ENOSF1: variants seen among roughly 807,000 people sequenced by gnomAD.
ENOSF1 encodes enolase superfamily member 1, also known as mitochondrial enolase superfamily member 1.
A neutral mutation model predicts 68.2 loss-of-function variants in ENOSF1; 73 were observed. The ratio of observed to expected loss-of-function variants is 1.07; its 90% CI spans 0.89 to 1.30. The LOEUF is 1.30. Ranked by LOEUF, ENOSF1 falls within the 50% of genes most tolerant of loss-of-function variation. The pLI, the probability that ENOSF1 is intolerant of heterozygous loss-of-function variation, is 0.00. For synonymous variants in ENOSF1, 223 were observed against 210.4 expected (o/e 1.06, Z -0.52); for missense variants, 589 against 554.5 (o/e 1.06, Z -0.62).
chr18:680,086 G>A (rs899570337), intron 11 of ENOSF1, among the ~76,000 whole-genome samples: 1 of 152,234 alleles, frequency 6.6e-6, no homozygotes, highest in African/African-American at 2.4e-5. Flanking sequence ...TGATTCCAGA[G>A]CCAGAGGAGG....
chr18:685,030 T>TC lies in ENOSF1; in HGVS notation c.741+890_741+891insG, dbSNP rs1303026037. Among the ~76,000 whole-genome samples the TC allele has an allele frequency of 4.0e-5, 6 of 150,824 alleles. No individual in the cohort carries two copies. The East Asian group carries it at 1.2e-3, about 30-fold the overall frequency. On this transcript the variant is annotated intron_variant, in intron 10 of 15. Coordinates refer to ENST00000647584, the MANE Select transcript of ENOSF1 (RefSeq NM_017512.7). The stretch of plus-strand genomic sequence containing the variant: ...ATGCACCACCACACCTGGTTAATTT[T>TC]TTTTCTTCTTTCTTTTAGAGAGAGA...
chr18:701,778 G>A (rs1397432488), intron 2 of ENOSF1, among the ~76,000 whole-genome samples: 2 of 148,400 alleles, frequency 1.3e-5, no homozygotes, highest in Non-Finnish European at 3.0e-5. Flanking sequence ...AAAATTAGCT[G>A]GCGTGATAGT....
In ENOSF1 at chr18:673,317, TTGG is replaced by T; in HGVS notation, c.*985_*987del. 4.1e-6 allele frequency: 1 copy of T among 242,124 alleles called. No homozygotes were observed. Among genetic ancestry groups the T allele is most frequent in the Non-Finnish European group, 8.0e-6 (1 of 124,804 alleles). 15.0% of individuals were successfully genotyped at this position (242,124 alleles called of 1,614,324 possible). On this transcript the variant is annotated 3_prime_UTR_variant, in exon 16 of 16. Coordinates refer to ENST00000647584, the MANE Select transcript of ENOSF1 (RefSeq NM_017512.7). ...CAATCCCACGTACTTATAAAGAAGG[TTGG>T]TGAATTTCACAAGCTATTTTTGGAA...
At chr18:677,893 A>G in intron 12 of ENOSF1, 21 bp from the exon 13 acceptor site, 3 of 1,609,242 alleles carry the variant, frequency 1.9e-6, no homozygotes, top group East Asian at 2.2e-5. Flanking sequence ...AATTGAAAAT[A>G]ACACCAACAG....
downstream of ENOSF1, among the ~76,000 whole-genome samples, chr18:668,419 GAAGGA>G (rs934107432): frequency 6.6e-6 from 1 of 152,180 alleles, no homozygotes; most frequent in African/African-American, 2.4e-5. Context: ...ATCTCAGAAG[GAAGGA>G]AAGGGATTAA....
chr18:685,236 C>T (rs1315276742), intron 10 of ENOSF1, among the ~76,000 whole-genome samples: 1 of 151,826 alleles, frequency 6.6e-6, no homozygotes, highest in Non-Finnish European at 1.5e-5. Flanking sequence ...TACTCCTGAG[C>T]TCCGGCAATC....
At chr18:693,784 G>C in intron 5 of ENOSF1, 98 bp downstream of exon 5, 1 of 1,575,434 alleles carries the variant, frequency 6.3e-7, no homozygotes, top group Non-Finnish European at 8.6e-7. Context: ...GTGATCAACA[G>C]ATAGTCCTGA....
At chr18:667,991 A>AT (rs1491559672), downstream of ENOSF1, among the ~76,000 whole-genome samples, 8 of 74,910 alleles carry the variant, frequency 1.1e-4, no homozygotes, top group East Asian at 6.5e-3. Flanking sequence ...GATTCACAGG[A>AT]ATTTTTTTTT....
chr18:692,612 A>G (rs2145079897), intron 5 of ENOSF1: 3 of 749,544 alleles, frequency 4.0e-6, no homozygotes, highest in African/African-American at 2.0e-5. Context: ...AAAAAAAAAG[A>G]AAGAAAGAAA....
At chr18:681,600 GCT>G (rs1436593772) in intron 11 of ENOSF1, among the ~76,000 whole-genome samples, 2 of 152,152 alleles carry the variant, frequency 1.3e-5, no homozygotes, top group African/African-American at 4.8e-5. Flanking sequence ...GAAAATTTGG[GCT>G]CTGTTTAAAT....
At chr18:690,912 C>T in intron 7 of ENOSF1, 156 bp downstream of exon 7, 2 of 1,179,560 alleles carry the variant, frequency 1.7e-6, no homozygotes, top group South Asian at 3.1e-5. Context: ...AGGTCATACC[C>T]AGCAGGCTTC....
At chr18:669,209 C>T (rs1461460351), downstream of ENOSF1, 2 of 1,578,332 alleles carry the variant, frequency 1.3e-6, no homozygotes, top group African/African-American at 1.4e-5. Flanking sequence ...TTATACTAAC[C>T]ATACTCTTAG....
At chr18:675,922 A>G (rs1420969021) in intron 14 of ENOSF1, among the ~76,000 whole-genome samples, 2 of 152,100 alleles carry the variant, frequency 1.3e-5, no homozygotes, top group Non-Finnish European at 2.9e-5. Context: ...TTGTACCTGG[A>G]AAACAATCCG....
rs180700301 is a variant in ENOSF1 at position 696,082 on chromosome 18, T to C, written c.309+1158A>G. 8.5e-5 allele frequency among the ~76,000 whole-genome samples: 13 copies of C among 152,310 alleles called. No homozygotes were observed. In the East Asian group the frequency reaches 2.1e-3, roughly 25 times the overall value. The stretch of plus-strand genomic sequence containing the variant: ...GAATCCTTTCTCCAGAGCCTAACTT[T>C]TTCATGCCTTGAATTTATAGTTCAA... On this transcript the variant is annotated intron_variant, in intron 3 of 15. Coordinates refer to ENST00000647584, the MANE Select transcript of ENOSF1 (RefSeq NM_017512.7).
chr18:682,939 G>T (rs1299841295), intron 11 of ENOSF1: 2 of 245,908 alleles, frequency 8.1e-6, no homozygotes, highest in Non-Finnish European at 1.5e-5. Flanking sequence ...AAAAAATGCT[G>T]TCACATTTCT....
chr18:669,328 G>T, downstream of ENOSF1: 1 of 557,526 alleles, frequency 1.8e-6, no homozygotes, highest in Non-Finnish European at 3.2e-6. Context: ...ACATTTTGCT[G>T]CACTTTCACC....
intron 2 of ENOSF1, among the ~76,000 whole-genome samples, chr18:703,779 TAA>T (rs780289418): frequency 1.3e-5 from 2 of 152,178 alleles, no homozygotes; most frequent in Non-Finnish European, 2.9e-5. Context: ...TGTTGAAGTG[TAA>T]TCCGCAGTGT....
At chr18:668,272 T>C (rs1022742703), downstream of ENOSF1, among the ~76,000 whole-genome samples, 2 of 152,256 alleles carry the variant, frequency 1.3e-5, no homozygotes, top group South Asian at 2.1e-4. Context: ...ACAGTGACCA[T>C]GAGAGGACTT....
chr18:679,253 A>C (rs3016814), intron 11 of ENOSF1, among the ~76,000 whole-genome samples: 2 of 139,206 alleles, frequency 1.4e-5, no homozygotes, highest in Admixed American at 7.7e-5. Flanking sequence ...TCTGTCACCC[A>C]AGCTGGAGTG....
Sources: gnomAD v4.1 joint callset for allele counts (sites outside exome capture counted in the v4.1 genomes callset) on GRCh38, gnomAD v4.1.1 for gene constraint, MANE v1.5 for transcripts, NCBI Gene and HGNC (gene_info 2026-07-23, HGNC 2026-07-21) for gene names.